The following SMYD3 variants were observed in gnomAD, a reference collection of about 807,000 sequenced individuals.
The protein encoded by SMYD3 is SET and MYND domain containing 3.
SMYD3 carries 36 observed loss-of-function variants against 57.7 expected under a neutral mutation model. The ratio of observed to expected loss-of-function variants is 0.62; its 90% confidence interval spans 0.48 to 0.82. The LOEUF (loss-of-function observed/expected upper bound fraction) is 0.82, where lower values mean the gene tolerates loss of function less well. SMYD3 is among the 40% of genes least tolerant of loss of function. SMYD3 has a pLI of 0.00. For synonymous variants in SMYD3, 211 were observed against 195.0 expected, an observed-to-expected ratio of 1.08 and a Z score of -0.68; for missense variants, 515 against 538.8, an observed-to-expected ratio of 0.96 and a Z score of 0.44.
intron 10 of SMYD3, among the ~76,000 whole-genome samples, chr1:245,806,891 T>TA (rs2048193966): frequency 8.9e-6 from 1 of 112,078 alleles, no homozygotes; most frequent in African/African-American, 3.6e-5. Flanking sequence ...CAATCCGGCC[T>TA]GGGCGACAGA....
chr1:245,982,942 G>C (rs1410543551), intron 5 of SMYD3, among the ~76,000 whole-genome samples: 1 of 152,192 alleles, frequency 6.6e-6, no homozygotes, highest in Non-Finnish European at 1.5e-5. Context: ...ATCCAAGACT[G>C]CTGTCAGAAA....
At chr1:246,114,600 C>T (rs1442065319) in intron 5 of SMYD3, among the ~76,000 whole-genome samples, 1 of 152,190 alleles carries the variant, frequency 6.6e-6, no homozygotes, top group Non-Finnish European at 1.5e-5. Flanking sequence ...GCTGTGCCGG[C>T]CATTGCTTCC....
At chr1:246,363,441 C>T (rs1345509710) in intron 1 of SMYD3, among the ~76,000 whole-genome samples, 7 of 152,136 alleles carry the variant, frequency 4.6e-5, no homozygotes, top group Non-Finnish European at 7.3e-5. Context: ...TCATTGAGAA[C>T]GGGCCATGAT....
chr1:246,255,772 A>ATT (rs34095220), intron 5 of SMYD3, among the ~76,000 whole-genome samples: 2 of 135,674 alleles, frequency 1.5e-5, no homozygotes, highest in Non-Finnish European at 3.1e-5. Context: ...TGTCTGGGGC[A>ATT]TTTTTTTTTT....
intron 10 of SMYD3, among the ~76,000 whole-genome samples, chr1:245,769,290 C>T (rs2046242470): frequency 6.6e-6 from 1 of 152,182 alleles, no homozygotes; most frequent in South Asian, 2.1e-4. Flanking sequence ...ACACTAAGTG[C>T]CATCCGACGC....
intron 5 of SMYD3, among the ~76,000 whole-genome samples, chr1:245,943,694 G>A (rs1320296955): frequency 3.9e-5 from 6 of 152,124 alleles, no homozygotes; most frequent in Admixed American, 3.9e-4. Flanking sequence ...GAAAACTTCA[G>A]GCCAATACTC....
chr1:246,356,904 T>C (rs189937445), intron 1 of SMYD3, among the ~76,000 whole-genome samples: 1 of 152,300 alleles, frequency 6.6e-6, no homozygotes, highest in Admixed American at 6.5e-5. Context: ...TTGTCTGACC[T>C]TGCTAGAGAT....
At chr1:245,884,303 G>A (rs552883029) in intron 8 of SMYD3, among the ~76,000 whole-genome samples, 1 of 152,262 alleles carries the variant, frequency 6.6e-6, no homozygotes, top group South Asian at 2.1e-4. Context: ...CAGGGTAATC[G>A]AGGATGCAGA....
chr1:245,894,728 C>T (rs561027717), intron 8 of SMYD3, among the ~76,000 whole-genome samples: 1 of 152,156 alleles, frequency 6.6e-6, no homozygotes, highest in Non-Finnish European at 1.5e-5. Flanking sequence ...ATGTGTTGGG[C>T]TGGGGATGGT....
intron 10 of SMYD3, 147 bp from the exon 11 acceptor site, chr1:245,764,296 T>TGCAGTACTGAGGGGAATTGAC: frequency 1.6e-6 from 1 of 625,772 alleles, no homozygotes; most frequent in Non-Finnish European, 2.9e-6. Flanking sequence ...TCCAGGAGAA[T>TGCAGTACTGAGGGGAATTGAC]GCAGTACTGA....
chr1:245,933,640 C>T (rs1445846478), intron 5 of SMYD3, among the ~76,000 whole-genome samples: 2 of 152,072 alleles, frequency 1.3e-5, no homozygotes, highest in East Asian at 1.9e-4. Flanking sequence ...CATTTGTGTC[C>T]TGAGGTTAGC....
chr1:245,823,688 C>T (rs903112363), intron 10 of SMYD3, among the ~76,000 whole-genome samples: 3 of 152,176 alleles, frequency 2.0e-5, no homozygotes, highest in East Asian at 1.9e-4. Flanking sequence ...GTTGGGCAAC[C>T]GTTCAGGGAA....
chr1:245,902,830 G>C (rs949840544), intron 8 of SMYD3, among the ~76,000 whole-genome samples: 1 of 152,116 alleles, frequency 6.6e-6, no homozygotes, highest in African/African-American at 2.4e-5. Context: ...AACAAATACT[G>C]TAAATATATC....
At chr1:246,464,184 T>G (rs2067850118) in intron 1 of SMYD3, among the ~76,000 whole-genome samples, 6 of 152,074 alleles carry the variant, frequency 3.9e-5, no homozygotes, top group Admixed American at 3.9e-4. Context: ...TAAGAGCTGA[T>G]GGGAATGTGT....
chr1:245,833,073 A>AAAAAAAAAAAAAAAAC lies in SMYD3; in HGVS notation c.1076+25422_1076+25423insGTTTTTTTTTTTTTTT. Among the ~76,000 whole-genome samples, 529 of 128,482 alleles carry AAAAAAAAAAAAAAAAC rather than the reference A, an allele frequency of 4.1e-3. 31 individuals are homozygous for AAAAAAAAAAAAAAAAC. Among genetic ancestry groups the AAAAAAAAAAAAAAAAC allele is most frequent in the East Asian group, 0.027 (79 of 2,942 alleles). The allele number at this position is 128,482 out of a possible 152,430, so 84.3% of individuals were successfully genotyped here. The stretch of plus-strand genomic sequence containing the variant: ...GGAATATGTGACAAAAAAAAAAAAA[A>AAAAAAAAAAAAAAAAC]AACCTGCTTTTATAATGCTGATTCA... On this transcript the variant is annotated intron_variant, in intron 10 of 11. Coordinates refer to ENST00000490107, the MANE Select transcript of SMYD3 (RefSeq NM_001167740.2).
At chr1:246,160,489 C>A (rs528688491) in intron 5 of SMYD3, among the ~76,000 whole-genome samples, 1 of 152,244 alleles carries the variant, frequency 6.6e-6, no homozygotes, top group East Asian at 1.9e-4. Flanking sequence ...GCCAGTTCCT[C>A]GGTGCTGAAA....
chr1:245,984,034 T>C (rs912163961), intron 5 of SMYD3, among the ~76,000 whole-genome samples: 1 of 151,250 alleles, frequency 6.6e-6, no homozygotes, highest in African/African-American at 2.4e-5. Context: ...AGTTTCGCTC[T>C]TGTTGCCCAG....
chr1:245,928,048 G>A lies in SMYD3; in HGVS notation c.600-15C>T, dbSNP rs41308148. 1 of 1,600,532 alleles carries A rather than the reference G, an allele frequency of 6.2e-7. No homozygotes were observed. The highest frequency in any genetic ancestry group is 8.5e-7 in the Non-Finnish European group (1 of 1,169,662). On this transcript the variant is annotated splice_polypyrimidine_tract_variant and intron_variant, in intron 6 of 11. Coordinates refer to ENST00000490107, the MANE Select transcript of SMYD3 (RefSeq NM_001167740.2). ...GCAAAGAGATACTGGAAAAAAAAAG[G>A]GGGGAAGACTGTCACAGCTCAGCAG...
At chr1:246,390,337 ATC>A (rs2066540242) in intron 1 of SMYD3, among the ~76,000 whole-genome samples, 1 of 152,034 alleles carries the variant, frequency 6.6e-6, no homozygotes, top group Non-Finnish European at 1.5e-5. Flanking sequence ...TTCTTTACAA[ATC>A]CTAAGATTGG....
Sources: allele counts gnomAD v4.1 joint callset (sites outside exome capture counted in the v4.1 genomes callset), GRCh38; gene constraint gnomAD v4.1.1; transcripts MANE v1.5; gene names NCBI Gene and HGNC (gene_info 2026-07-23, HGNC 2026-07-21).